Variants in VIPR2 observed in about 807,000 individuals in gnomAD.
VIPR2 encodes vasoactive intestinal peptide receptor 2.
VIPR2 carries 48 observed loss-of-function variants against 58.0 expected under a neutral mutation model. The ratio of observed to expected loss-of-function variants is 0.83; its 90% CI spans 0.66 to 1.05. The LOEUF (loss-of-function observed/expected upper bound fraction) is 1.05. VIPR2 is among the 50% of genes least tolerant of loss of function. The pLI is 0.00. For synonymous variants in VIPR2, 243 were observed against 235.2 expected, an observed-to-expected ratio of 1.03 and a Z score of -0.30; for missense variants, 534 against 558.0, an observed-to-expected ratio of 0.96 and a Z score of 0.43.
intron 4 of VIPR2, among the ~76,000 whole-genome samples, chr7:159,101,116 C>T (rs568743202): frequency 7.7e-6 from 1 of 130,648 alleles, no homozygotes; most frequent in East Asian, 2.4e-4. Flanking sequence ...GAGGCGGTTC[C>T]GACTGTTCCT....
At chr7:159,061,823 G>A (rs935517065) in intron 4 of VIPR2, among the ~76,000 whole-genome samples, 6 of 152,172 alleles carry the variant, frequency 3.9e-5, no homozygotes, top group Non-Finnish European at 7.3e-5. Context: ...GCGAGCCGCG[G>A]CGGAGTACCG....
rs545864421 is a variant in VIPR2, at chr7:159,099,743, C to T, written c.357+4014G>A. Reference sequence around the variant, plus strand: ...CTCAGAGGTGGTGCCTCCAACACACCGGGGATCCCACCTGGACCTTGAAAT... The same window carrying T: ...CTCAGAGGTGGTGCCTCCAACACACTGGGGATCCCACCTGGACCTTGAAAT... On this transcript the variant is annotated intron_variant, in intron 4 of 12. Coordinates refer to ENST00000262178, the MANE Select transcript of VIPR2 (RefSeq NM_003382.5). The surrounding 1 kb of genome is among the most constrained non-coding windows in gnomAD (Gnocchi z 4.2). 5.3e-5 allele frequency among the ~76,000 whole-genome samples: 8 copies of T among 152,130 alleles called. No individual in the cohort carries two copies. In the South Asian group the frequency reaches 1.7e-3, roughly 32 times the overall value.
chr7:159,034,464 G>T (rs562527234), intron 9 of VIPR2, 117 bp downstream of exon 9: 2 of 1,319,598 alleles, frequency 1.5e-6, no homozygotes, highest in Admixed American at 3.6e-5. Context: ...CCTTTTCCGG[G>T]AAGGCTGAGT....
rs1855457829 is a variant in VIPR2, at chr7:159,058,565, A to G, written c.371T>C (p.Ile124Thr). Reference protein sequence around the residue: ...PEDESKITFYILVKAIYTLGY... With the variant: ...PEDESKITFYTLVKAIYTLGY... The stretch of plus-strand genomic sequence containing the variant: ...CAGTGTATAAATGGCCTTCACCAGA[A>G]TATAAAACGTGATCTACAAAGAAAG... Residue 124 changes from isoleucine (I) to threonine (T), a missense_variant, in exon 5 of 13, where the codon ATT (isoleucine) becomes ACT (threonine). Physicochemically the swap from Ile to Thr is moderately conservative, Grantham distance 89 (BLOSUM62 -1). Coordinates refer to ENST00000262178, the MANE Select transcript of VIPR2 (RefSeq NM_003382.5). 1.9e-6 allele frequency: 3 copies of G among 1,610,768 alleles called. No homozygotes were observed. Among genetic ancestry groups the G allele is most frequent in the Non-Finnish European group, 2.5e-6 (3 of 1,177,230 alleles).
intron 4 of VIPR2, among the ~76,000 whole-genome samples, chr7:159,072,326 A>C (rs1039599208): frequency 6.6e-6 from 1 of 152,262 alleles, no homozygotes; most frequent in Admixed American, 6.5e-5. Context: ...TTTAAAGAGC[A>C]AGAAAATTAA....
intron 5 of VIPR2, among the ~76,000 whole-genome samples, chr7:159,049,878 T>C (rs982347444): frequency 6.6e-6 from 1 of 152,174 alleles, no homozygotes; most frequent in African/African-American, 2.4e-5. Flanking sequence ...GAAACCCACA[T>C]GGCCCTGACG....
chr7:159,072,049 A>T (rs1856433915), intron 4 of VIPR2, among the ~76,000 whole-genome samples: 2 of 138,600 alleles, frequency 1.4e-5, no homozygotes, highest in Non-Finnish European at 3.0e-5. Flanking sequence ...AGCAACAAAA[A>T]TCCAGAATCC....
intron 2 of VIPR2, among the ~76,000 whole-genome samples, chr7:159,134,368 G>C (rs116664190): frequency 0.017 from 2,619 of 152,238 alleles, 74 homozygotes; most frequent in African/African-American, 0.059. Context: ...AAAAAACAGA[G>C]AAAGTATGAT....
At chr7:159,041,129 T>C (rs1369777557) in intron 6 of VIPR2, among the ~76,000 whole-genome samples, 1 of 152,172 alleles carries the variant, frequency 6.6e-6, no homozygotes, top group African/African-American at 2.4e-5. Context: ...GTCTGTGAAA[T>C]GGGGCAACTG....
chr7:159,064,415 G>A (rs925531089), intron 4 of VIPR2, among the ~76,000 whole-genome samples: 23 of 152,118 alleles, frequency 1.5e-4, no homozygotes, highest in Non-Finnish European at 2.9e-4. Context: ...GAGACGGAGT[G>A]GAATTGGCGG....
intron 1 of VIPR2, among the ~76,000 whole-genome samples, chr7:159,142,775 G>C (rs1234519183): frequency 1.3e-5 from 2 of 150,738 alleles, no homozygotes; most frequent in East Asian, 3.9e-4. Flanking sequence ...TTTTTTTTCT[G>C]AGCAGGAAAA....
At chr7:159,091,297 G>T (rs1189419843) in intron 4 of VIPR2, among the ~76,000 whole-genome samples, 1 of 152,240 alleles carries the variant, frequency 6.6e-6, no homozygotes, top group East Asian at 1.9e-4. Flanking sequence ...CCCTGCTCAT[G>T]GATGAGTCTG....
chr7:159,101,264 C>T lies in VIPR2; in HGVS notation c.357+2493G>A, dbSNP rs1177793312. On this transcript the variant is annotated intron_variant, in intron 4 of 12. Coordinates refer to ENST00000262178, the MANE Select transcript of VIPR2 (RefSeq NM_003382.5). Reference sequence around the variant, plus strand: ...GATAGTGAACGGGTCTCACGAGATCCGATGAGGCGGTTCCCCCGACTGTTC... The same window carrying T: ...GATAGTGAACGGGTCTCACGAGATCTGATGAGGCGGTTCCCCCGACTGTTC... 2.9e-4 allele frequency among the ~76,000 whole-genome samples: 42 copies of T among 145,822 alleles called. 1 individual carries two copies. The highest frequency in any genetic ancestry group is 4.3e-4 in the Non-Finnish European group (29 of 67,076).
intron 2 of VIPR2, among the ~76,000 whole-genome samples, chr7:159,131,525 G>A (rs574814445): frequency 4.2e-4 from 64 of 152,328 alleles, no homozygotes; most frequent in African/African-American, 1.3e-3. Context: ...GTCTCAGCAT[G>A]TGGCCATTTG....
chr7:159,037,233 C>T (rs530477402), intron 6 of VIPR2, among the ~76,000 whole-genome samples: 6 of 152,358 alleles, frequency 3.9e-5, no homozygotes, highest in African/African-American at 1.4e-4. Context: ...CAGCTCCTCC[C>T]CTCGGCTACT....
chr7:159,080,883 T>C (rs1294013514), intron 4 of VIPR2, among the ~76,000 whole-genome samples: 6 of 151,934 alleles, frequency 3.9e-5, no homozygotes, highest in Non-Finnish European at 2.9e-5. Flanking sequence ...TCAAAGAGAA[T>C]AAAATACCTA....
intron 4 of VIPR2, among the ~76,000 whole-genome samples, chr7:159,062,328 T>C (rs538188297): frequency 1.3e-5 from 2 of 152,288 alleles, no homozygotes; most frequent in Admixed American, 1.3e-4. Context: ...TTGGTCTCAC[T>C]GACTTGAAGA....
At position 159,031,860 on chromosome 7, in the gene VIPR2, C is replaced by CCA. The variant is rs1384485377; in HGVS notation, c.1109_1110dup (p.Val371TrpfsTer9). Reference sequence around the variant, plus strand: ...TTCAGGAAACAGTAGAGGACGGCCACCACCAGGCCCTGCAATGAGAAGAGA... The same window carrying CCA: ...TTCAGGAAACAGTAGAGGACGGCCACCACACCAGGCCCTGCAATGAGAAGAGA... On this transcript the variant is annotated frameshift_variant, in exon 12 of 13. Transcript: ENST00000262178. LOFTEE classifies it low-confidence loss of function (END_TRUNC). This position sits in a 1 kb window ranked among gnomAD's most constrained non-coding sequence, Gnocchi z 4.0. 6.2e-7 allele frequency: 1 copy of CCA among 1,614,096 alleles called. No individual in the cohort carries two copies. The highest frequency in any genetic ancestry group is 8.5e-7 in the Non-Finnish European group (1 of 1,180,040).
intron 10 of VIPR2, among the ~76,000 whole-genome samples, chr7:159,033,064 T>C (rs1249952125): frequency 6.6e-6 from 1 of 152,182 alleles, no homozygotes; most frequent in African/African-American, 2.4e-5. Context: ...TACCAGACTC[T>C]TTTGCAATAC....
Sources: gnomAD v4.1 joint callset for allele counts (sites outside exome capture counted in the v4.1 genomes callset) on GRCh38, gnomAD v4.1.1 for gene constraint, Gnocchi (gnomAD v3.1) non-coding constraint, MANE v1.5 for transcripts, NCBI Gene and HGNC (gene_info 2026-07-23, HGNC 2026-07-21) for gene names.